The following SYMPK variants were observed in gnomAD, a reference collection of about 807,000 sequenced individuals.
The protein encoded by SYMPK is symplekin scaffold protein.
In SYMPK, 49 loss-of-function variants were observed where a neutral mutation model predicts 136.4. That is an observed-to-expected ratio of 0.36 (90% CI 0.29 to 0.46). SYMPK has a LOEUF of 0.46. Among genes scored for constraint, SYMPK ranks in the 20% least tolerant of loss-of-function variants. The pLI is 1.00. For synonymous variants in SYMPK, 766 were observed against 713.0 expected, an observed-to-expected ratio of 1.07 and a Z score of -1.19; for missense variants, 1,365 against 1,690.0, an observed-to-expected ratio of 0.81 and a Z score of 3.37.
At position 45,821,583 on chromosome 19, in the gene SYMPK, A is replaced by G; in HGVS notation, c.2792-98T>C. The stretch of plus-strand genomic sequence containing the variant: ...CAGATCGGGGGAGCTGCGAGCAAAG[A>G]TGAGGTGCCCTCTGCTTTCAGGGCT... On this transcript the variant is annotated intron_variant, in intron 21 of 26. Transcript: ENST00000245934. This position sits in a 1 kb window ranked among gnomAD's most constrained non-coding sequence, Gnocchi z 4.4. The G allele has an allele frequency of 1.3e-6, 1 of 772,338 alleles. No individual in the cohort carries two copies. Among genetic ancestry groups the G allele is most frequent in the Non-Finnish European group, 2.2e-6 (1 of 460,644 alleles). 47.8% of individuals were successfully genotyped at this position (772,338 alleles called of 1,614,324 possible). A position where few individuals can be genotyped will look rare whatever the true frequency, so the allele number is the denominator to read the frequency against.
At chr19:45,825,101 G>T in intron 18 of SYMPK, 70 bp downstream of exon 18, 1 of 1,556,012 alleles carries the variant, frequency 6.4e-7, no homozygotes, top group Non-Finnish European at 8.7e-7. Context: ...AGCAGGTTGG[G>T]GAAGAGCTGG....
intron 16 of SYMPK, 129 bp from the exon 17 acceptor site, chr19:45,826,502 A>G: frequency 1.0e-6 from 1 of 971,464 alleles, no homozygotes; most frequent in Non-Finnish European, 1.5e-6. Flanking sequence ...AGCTGTTACC[A>G]GGGCCCAGGG....
Position 45,823,837 on chromosome 19 carries a change from C to G in SYMPK, c.2529G>C (p.Leu843=), listed in dbSNP as rs201483741. The change falls in exon 19 of 27, where the codon CTG becomes CTC. Residue 843 remains leucine, a synonymous_variant. Transcript: ENST00000245934. ...CTCCCTTGGGACAATTTTCCACCAG[C>G]AGGAGCAGCTCCGGGGAGTTCATGC... ...GMGMNSPELL[L]LVENCPKGAE... is the part of the protein sequence containing the mutation. The G allele has an allele frequency of 1.2e-6, 2 of 1,614,130 alleles. No individual in the cohort carries two copies.
At chr19:45,849,645 T>C (rs1295991659) in intron 5 of SYMPK, among the ~76,000 whole-genome samples, 1 of 152,212 alleles carries the variant, frequency 6.6e-6, no homozygotes, top group Non-Finnish European at 1.5e-5. Context: ...TCACATGGTA[T>C]GTATTTGCTG....
At chr19:45,825,473 A>G in intron 17 of SYMPK, 142 bp from the exon 18 acceptor site, 1 of 1,075,696 alleles carries the variant, frequency 9.3e-7, no homozygotes, top group East Asian at 2.7e-5. Context: ...GTTCTAGGGC[A>G]GGGAAATGGC....
chr19:45,843,895 G>A, intron 8 of SYMPK, 135 bp downstream of exon 8: 1 of 758,494 alleles, frequency 1.3e-6, no homozygotes, highest in South Asian at 3.9e-5. Context: ...AGTGAGCCAA[G>A]ATTGCACCAC....
chr19:45,859,337 C>G (rs1971907718), intron 1 of SYMPK, among the ~76,000 whole-genome samples: 1 of 150,678 alleles, frequency 6.6e-6, no homozygotes. Flanking sequence ...GTGGCTCACT[C>G]CTGTAATCCC....
chr19:45,816,452 A>C (rs1445249799), intron 25 of SYMPK, 30 bp downstream of exon 25: 2 of 1,598,236 alleles, frequency 1.3e-6, no homozygotes, highest in Non-Finnish European at 1.7e-6. Context: ...GAGTCTGGGG[A>C]TCCAGATGGG....
In SYMPK at chr19:45,844,189, C is replaced by T; in HGVS notation, c.688G>A (p.Glu230Lys). Residue 230 changes from glutamate to lysine, a missense_variant, in exon 8 of 27, where the codon GAA becomes AAA. Coordinates refer to ENST00000245934, the MANE Select transcript of SYMPK (RefSeq NM_004819.3). The part of the protein sequence containing the change: ...HPYIQYNVLW[E>K]EGKAALEQLL... Reference sequence around the variant, plus strand: ...TGCTCCAAGGCTGCCTTGCCCTCTTCCCATAGCACGTCTAAGAGACAGAGA... The same window carrying T: ...TGCTCCAAGGCTGCCTTGCCCTCTTTCCATAGCACGTCTAAGAGACAGAGA... 2 of 1,600,588 alleles carry T rather than the reference C, an allele frequency of 1.2e-6. No individual in the cohort carries two copies. The highest frequency in any genetic ancestry group is 1.7e-6 in the Non-Finnish European group (2 of 1,173,672).
intron 7 of SYMPK, among the ~76,000 whole-genome samples, chr19:45,845,018 T>C (rs1335064049): frequency 6.6e-6 from 1 of 152,244 alleles, no homozygotes; most frequent in African/African-American, 2.4e-5. Context: ...CATTTATCCG[T>C]TTTGTTACAC....
At position 45,854,594 on chromosome 19, in the gene SYMPK, G is replaced by A; in HGVS notation, c.-12-87C>T. 5.7e-6 allele frequency: 6 copies of A among 1,060,582 alleles called. No individual in the cohort carries two copies. The South Asian group carries it at 6.9e-5, about 12-fold the overall frequency. The allele number at this position is 1,060,582 out of a possible 1,614,324, so 65.7% of individuals were successfully genotyped here. ...GATTGTCACCCGAACACCTACAAAG[G>A]GCCCAAGCCTCCTTCCCAGGCTGTT... On this transcript the variant is annotated intron_variant, in intron 1 of 26. Transcript: ENST00000245934.
chr19:45,839,691 G>C (rs889112324), intron 9 of SYMPK, among the ~76,000 whole-genome samples: 2 of 152,054 alleles, frequency 1.3e-5, no homozygotes, highest in African/African-American at 4.8e-5. Flanking sequence ...AAATTAGCCG[G>C]GCAGATGGCG....
At chr19:45,852,630 G>A (rs1971724356) in intron 3 of SYMPK, 95 bp from the exon 4 acceptor site, 1 of 1,441,754 alleles carries the variant, frequency 6.9e-7, no homozygotes, top group Non-Finnish European at 9.7e-7. Context: ...ACAGCAGAGG[G>A]CTAGGCAGCA....
intron 1 of SYMPK, among the ~76,000 whole-genome samples, chr19:45,859,862 C>T (rs376052889): frequency 5.4e-5 from 8 of 148,568 alleles, no homozygotes; most frequent in Admixed American, 6.9e-5. Context: ...GGCAACACAG[C>T]GACACACCAT....
chr19:45,850,455 C>T (rs977711197), intron 5 of SYMPK, among the ~76,000 whole-genome samples: 1 of 152,210 alleles, frequency 6.6e-6, no homozygotes, highest in Admixed American at 6.5e-5. Context: ...TCTACTTCCT[C>T]CCAGTCACAA....
chr19:45,856,696 C>T lies in SYMPK; in HGVS notation c.-12-2189G>A, dbSNP rs76068926. 5.3e-3 allele frequency among the ~76,000 whole-genome samples: 808 copies of T among 152,262 alleles called. 5 individuals carry two copies. The highest frequency in any genetic ancestry group is 0.018 in the African/African-American group (766 of 41,550). ...AATTAATAATAATTTGGCCAGCTCA[C>T]GCCTGTAATCCCAGGATTTTGGGAG... On this transcript the variant is annotated intron_variant, in intron 1 of 26. Coordinates refer to ENST00000245934, the MANE Select transcript of SYMPK (RefSeq NM_004819.3).
In SYMPK at chr19:45,823,955, C is replaced by A. The variant is rs923134270; in HGVS notation, c.2491-80G>T. On this transcript the variant is annotated intron_variant, in intron 18 of 26. Coordinates refer to ENST00000245934, the MANE Select transcript of SYMPK (RefSeq NM_004819.3). ...AGGTGTTGCCCGGCAGGGTGGCTTGCGGGGCATGCTGGCGCCCAGGGTGAG... is the reference window on the plus strand; with the variant it reads ...AGGTGTTGCCCGGCAGGGTGGCTTGAGGGGCATGCTGGCGCCCAGGGTGAG... 3 of 1,107,462 alleles carry A rather than the reference C, an allele frequency of 2.7e-6. No homozygotes were observed. In the Admixed American group the frequency reaches 5.9e-5, roughly 22 times the overall value. 68.6% of individuals were successfully genotyped at this position (1,107,462 alleles called of 1,614,324 possible). A position where few individuals can be genotyped will look rare whatever the true frequency, so the allele number is the denominator to read the frequency against.
rs1971068092 is a variant in SYMPK at position 45,827,429 on chromosome 19, A to C, written c.2181+81T>G. ...AGAAACTTGCAAGGGAGTGTGGAAG[A>C]CGTGGGCTGGTTACTCAGGATAGAG... is the stretch of plus-strand genomic sequence containing the variant. On this transcript the variant is annotated intron_variant, in intron 16 of 26. Transcript: ENST00000245934. The C allele has an allele frequency of 3.3e-6, 3 of 922,148 alleles. No individual in the cohort carries two copies. The South Asian group carries it at 4.1e-5, about 13-fold the overall frequency. 57.1% of individuals were successfully genotyped at this position (922,148 alleles called of 1,614,324 possible). A position where few individuals can be genotyped will look rare whatever the true frequency, so the allele number is the denominator to read the frequency against.
chr19:45,816,396 C>G (rs1970738158), intron 25 of SYMPK, 86 bp downstream of exon 25: 5 of 1,493,492 alleles, frequency 3.3e-6, no homozygotes, highest in East Asian at 2.4e-5. Flanking sequence ...CTCTCGGGGT[C>G]AGGAGGAGGC....
Sources: allele counts gnomAD v4.1 joint callset (sites outside exome capture counted in the v4.1 genomes callset), GRCh38; gene constraint gnomAD v4.1.1; non-coding constraint Gnocchi (gnomAD v3.1); transcripts MANE v1.5; gene names NCBI Gene and HGNC (gene_info 2026-07-23, HGNC 2026-07-21).